The following LPIN1 variants were observed in gnomAD, a reference collection of about 807,000 sequenced individuals.
LPIN1 encodes phosphatidate phosphatase LPIN1.
In LPIN1, 71 loss-of-function variants were observed where a neutral mutation model predicts 107.5. That is an observed-to-expected ratio of 0.66 (90% CI 0.55 to 0.80). The LOEUF (loss-of-function observed/expected upper bound fraction) is 0.80. Among genes scored for constraint, LPIN1 ranks in the 30% least tolerant of loss-of-function variants. The probability of loss-of-function intolerance (pLI) is 0.00; values close to 1 mark genes in which losing one functional copy is unlikely to be tolerated. For missense variants in LPIN1, 1,043 were observed against 1,160.6 expected (o/e 0.90, Z 1.47); for synonymous variants, 445 against 452.6 (o/e 0.98, Z 0.21).
intron 1 of LPIN1, among the ~76,000 whole-genome samples, chr2:11,700,438 C>T (rs1410361078): frequency 6.6e-6 from 1 of 152,138 alleles, no homozygotes. Flanking sequence ...TGGTCCATTG[C>T]ACTATTTCTC....
At chr2:11,791,827 A>G (rs553652161) in intron 12 of LPIN1, 87 bp from the exon 13 acceptor site, 1 of 1,548,696 alleles carries the variant, frequency 6.5e-7, no homozygotes, top group Non-Finnish European at 8.8e-7. Context: ...ATCTTACTTT[A>G]ATTTGCATGT....
At chr2:11,681,884 G>A (rs80208659) in intron 1 of LPIN1, among the ~76,000 whole-genome samples, 9,374 of 152,296 alleles carry the variant, frequency 0.062, 389 homozygotes, top group Middle Eastern at 0.12. Context: ...CTCCTCTGGG[G>A]CCCCTTTCTA....
rs967136868 is a variant in LPIN1 at position 11,820,586 on chromosome 2, C to T, written c.2621+72C>T. On this transcript the variant is annotated intron_variant, in intron 20 of 20. Coordinates refer to ENST00000674199, the MANE Select transcript of LPIN1 (RefSeq NM_001349206.2). ...TCTTAAAACGGTGCTTCCCAGTTTG[C>T]GGTGTACCTTTTCCCCTTTGCTGCC... The T allele has an allele frequency of 4.7e-5, 52 of 1,115,800 alleles. No individual in the cohort carries two copies. In the African/African-American group the frequency reaches 5.3e-4, roughly 11 times the overall value. 69.1% of individuals were successfully genotyped at this position (1,115,800 alleles called of 1,614,324 possible).
chr2:11,748,882 G>A (rs1055554989), intron 1 of LPIN1, among the ~76,000 whole-genome samples: 1 of 152,146 alleles, frequency 6.6e-6, no homozygotes, highest in African/African-American at 2.4e-5. Context: ...ACATCCAGGT[G>A]TTAGGTCCCG....
chr2:11,677,845 C>G, intron 1 of LPIN1: 1 of 890,402 alleles, frequency 1.1e-6, no homozygotes, highest in Non-Finnish European at 1.7e-6. Flanking sequence ...GCGCCTTGTT[C>G]GGGATGGGTT....
At chr2:11,680,416 G>A (rs1661651490) in intron 1 of LPIN1, among the ~76,000 whole-genome samples, 1 of 151,680 alleles carries the variant, frequency 6.6e-6, no homozygotes. Context: ...GCTCTGTGGT[G>A]GGGTAACGGG....
At chr2:11,699,419 G>C (rs73179390) in intron 1 of LPIN1, among the ~76,000 whole-genome samples, 1 of 152,138 alleles carries the variant, frequency 6.6e-6, no homozygotes, top group African/African-American at 2.4e-5. Flanking sequence ...GATGTCAGCG[G>C]GTATGGGTAT....
rs1050877754 is a variant in LPIN1 at position 11,728,415 on chromosome 2, TTC to T, written c.-72+3878_-72+3879del. Among the ~76,000 whole-genome samples the T allele has an allele frequency of 5.3e-5, 8 of 152,290 alleles. No homozygotes were observed. In the East Asian group the frequency reaches 1.5e-3, roughly 29 times the overall value. On this transcript the variant is annotated intron_variant, in intron 1 of 21. Coordinates refer to the LPIN1 transcript ENST00000396097. Reference sequence around the variant, plus strand: ...AAAAAAATTTTTAGACAGAGTCTCATTCTGTCATCCAGGCTAGAATGCACTGG... The same window carrying T: ...AAAAAAATTTTTAGACAGAGTCTCATTGTCATCCAGGCTAGAATGCACTGG...
rs992403432 is a variant in LPIN1, at chr2:11,707,972, T to A, written c.82-5784T>A. Among the ~76,000 whole-genome samples, 1 of 152,142 alleles carries A rather than the reference T, an allele frequency of 6.6e-6. No individual in the cohort carries two copies. Among genetic ancestry groups the A allele is most frequent in the Non-Finnish European group, 1.5e-5 (1 of 68,026 alleles). On this transcript the variant is annotated intron_variant, in intron 1 of 21. Transcript: ENST00000449576. This position sits in a 1 kb window ranked among gnomAD's most constrained non-coding sequence, Gnocchi z 4.2. ...GTGAGAAAATCCTGGGGAAGTGAACTGAACTGGGCTTCACTGAGAAAGATC... is the reference window on the plus strand; with the variant it reads ...GTGAGAAAATCCTGGGGAAGTGAACAGAACTGGGCTTCACTGAGAAAGATC...
chr2:11,735,810 T>C (rs563568652), intron 1 of LPIN1, among the ~76,000 whole-genome samples: 7 of 152,270 alleles, frequency 4.6e-5, no homozygotes, highest in Non-Finnish European at 1.0e-4. Context: ...AGTCTTTTTC[T>C]GCTTTCCTAA....
At chr2:11,784,713 T>A in intron 9 of LPIN1, 173 bp from the exon 10 acceptor site, 1 of 707,698 alleles carries the variant, frequency 1.4e-6, no homozygotes. Context: ...TCTCCTAAGC[T>A]AAGGCGTTTA....
chr2:11,734,088 C>A (rs1347204313), intron 1 of LPIN1, among the ~76,000 whole-genome samples: 1 of 152,202 alleles, frequency 6.6e-6, no homozygotes, highest in Non-Finnish European at 1.5e-5. Context: ...TGCATTTGGC[C>A]ATGAATCAAA....
chr2:11,776,612 T>C (rs1672716237), intron 6 of LPIN1, among the ~76,000 whole-genome samples: 1 of 152,242 alleles, frequency 6.6e-6, no homozygotes, highest in African/African-American at 2.4e-5. Context: ...ATTTTTGGAA[T>C]ACCACTTTAA....
intron 12 of LPIN1, among the ~76,000 whole-genome samples, chr2:11,789,560 G>A (rs1675321861): frequency 6.6e-6 from 1 of 151,138 alleles, no homozygotes; most frequent in African/African-American, 2.4e-5. Context: ...ATGTGGATGT[G>A]CACGTGTGTG....
upstream of LPIN1, among the ~76,000 whole-genome samples, chr2:11,742,336 G>C (rs1168699246): frequency 6.6e-6 from 1 of 152,136 alleles, no homozygotes; most frequent in Non-Finnish European, 1.5e-5. Flanking sequence ...CTGGGCCTCA[G>C]TTTTCCTATC....
At chr2:11,741,916 A>G (rs1307576368), upstream of LPIN1, 4 of 152,612 alleles carry the variant, frequency 2.6e-5, no homozygotes, top group African/African-American at 9.6e-5. Flanking sequence ...TGATAAGTCC[A>G]TGCAATCACT....
At chr2:11,705,647 A>G (rs1405494416) in intron 1 of LPIN1, among the ~76,000 whole-genome samples, 1 of 152,134 alleles carries the variant, frequency 6.6e-6, no homozygotes, top group Non-Finnish European at 1.5e-5. Context: ...TGGATGTAGT[A>G]AGCTGAATAG....
At chr2:11,805,688 A>G (rs1045389180) in intron 17 of LPIN1, among the ~76,000 whole-genome samples, 1 of 152,188 alleles carries the variant, frequency 6.6e-6, no homozygotes, top group Non-Finnish European at 1.5e-5. Context: ...ATCAGATGGG[A>G]GAGGGGTTCT....
chr2:11,695,124 A>C (rs1393238121), intron 1 of LPIN1, among the ~76,000 whole-genome samples: 2 of 152,250 alleles, frequency 1.3e-5, no homozygotes, highest in Admixed American at 1.3e-4. Flanking sequence ...GGGAACTTGG[A>C]GTACTTTGGT....
Sources: gnomAD v4.1 joint callset for allele counts (sites outside exome capture counted in the v4.1 genomes callset) on GRCh38, gnomAD v4.1.1 for gene constraint, Gnocchi (gnomAD v3.1) non-coding constraint, MANE v1.5 for transcripts, NCBI Gene and HGNC (gene_info 2026-07-23, HGNC 2026-07-21) for gene names.